Variants in MAST4 observed in about 807,000 individuals in gnomAD.
MAST4 encodes the protein microtubule-associated serine/threonine-protein kinase 4.
Under a neutral mutation model 162.7 loss-of-function variants are expected in MAST4, and 89 were observed. That is an observed-to-expected ratio of 0.55 (90% CI 0.46 to 0.65). MAST4 has a LOEUF of 0.65. Among genes scored for constraint, MAST4 ranks in the 30% least tolerant of loss-of-function variants. The pLI is 0.00. For synonymous variants in MAST4, 1,479 were observed against 1,361.1 expected (o/e 1.09, Z -1.91); for missense variants, 3,153 against 3,374.0 (o/e 0.93, Z 1.62).
chr5:66,921,715 T>G (rs1176417661), intron 4 of MAST4, among the ~76,000 whole-genome samples: 1 of 152,152 alleles, frequency 6.6e-6, no homozygotes, highest in Non-Finnish European at 1.5e-5. Context: ...TCCTAGATCA[T>G]TCCACTGCAC....
chr5:67,049,078 T>TAC lies in MAST4; in HGVS notation c.675-5323_675-5322dup, dbSNP rs1554087510. Among the ~76,000 whole-genome samples, 222 of 138,694 alleles carry TAC rather than the reference T, an allele frequency of 1.6e-3. 2 individuals are homozygous for TAC. The highest frequency in any genetic ancestry group is 5.6e-3 in the African/African-American group (199 of 35,422). 91.0% of individuals were successfully genotyped at this position (138,694 alleles called of 152,430 possible). ...ATATATACGTATATATATATATATA[T>TAC]ACACTACCATACCAAGAATGAATGG... On this transcript the variant is annotated intron_variant, in intron 4 of 28. Coordinates refer to ENST00000403625, the MANE Select transcript of MAST4 (RefSeq NM_001164664.2).
chr5:66,961,651 T>C (rs747589574), intron 4 of MAST4, among the ~76,000 whole-genome samples: 29 of 152,354 alleles, frequency 1.9e-4, no homozygotes, highest in Non-Finnish European at 4.0e-4. Context: ...TCTTTTTTCA[T>C]TGTAAGTATA....
intron 5 of MAST4, among the ~76,000 whole-genome samples, chr5:67,062,608 A>T (rs536896341): frequency 4.6e-5 from 7 of 152,336 alleles, no homozygotes; most frequent in African/African-American, 1.7e-4. Context: ...ATGATAGTAC[A>T]AGACAAATAG....
intron 3 of MAST4, among the ~76,000 whole-genome samples, chr5:66,860,335 G>T (rs1760007651): frequency 6.6e-6 from 1 of 152,116 alleles, no homozygotes; most frequent in Admixed American, 6.5e-5. Context: ...ATCCACAAGG[G>T]TATCTGCTCT....
intron 2 of MAST4, among the ~76,000 whole-genome samples, chr5:66,785,970 G>C (rs144900115): frequency 0.014 from 2,194 of 152,156 alleles, 24 homozygotes; most frequent in Middle Eastern, 0.024. Flanking sequence ...CTAGGCTCAC[G>C]AGGTCCTCCC....
At chr5:66,866,585 T>G (rs957604642) in intron 3 of MAST4, among the ~76,000 whole-genome samples, 1 of 152,258 alleles carries the variant, frequency 6.6e-6, no homozygotes, top group Non-Finnish European at 1.5e-5. Flanking sequence ...GGGATCTCTT[T>G]AATAGTGCCT....
chr5:66,599,979 A>C (rs1742452239), intron 1 of MAST4, among the ~76,000 whole-genome samples: 1 of 152,046 alleles, frequency 6.6e-6, no homozygotes, highest in Non-Finnish European at 1.5e-5. Context: ...AAAAGCAGTA[A>C]AATTCAAGCT....
chr5:66,684,402 C>A (rs1003005774), intron 1 of MAST4, among the ~76,000 whole-genome samples: 2 of 151,732 alleles, frequency 1.3e-5, no homozygotes, highest in African/African-American at 4.8e-5. Flanking sequence ...TCAAAGAGTA[C>A]TAGTTAATAA....
At chr5:67,113,759 GA>G (rs1289184298) in intron 11 of MAST4, among the ~76,000 whole-genome samples, 1 of 152,150 alleles carries the variant, frequency 6.6e-6, no homozygotes, top group African/African-American at 2.4e-5. Context: ...AACTTTGCTA[GA>G]AAGGCACAAT....
chr5:66,922,308 A>G (rs552920989), intron 4 of MAST4, among the ~76,000 whole-genome samples: 2 of 152,198 alleles, frequency 1.3e-5, no homozygotes, highest in African/African-American at 4.8e-5. Flanking sequence ...GGATGAAGCC[A>G]TTGGGTCAGG....
At chr5:66,776,677 G>A (rs1291405790) in intron 2 of MAST4, among the ~76,000 whole-genome samples, 1 of 152,186 alleles carries the variant, frequency 6.6e-6, no homozygotes, top group East Asian at 1.9e-4. Context: ...ATGAGAGACA[G>A]ATGGAAAGTC....
chr5:66,738,863 T>C (rs2149569262), intron 1 of MAST4, among the ~76,000 whole-genome samples: 1 of 152,302 alleles, frequency 6.6e-6, no homozygotes, highest in East Asian at 1.9e-4. Flanking sequence ...TTAAGTACCA[T>C]TGTTGTTTAA....
intron 4 of MAST4, among the ~76,000 whole-genome samples, chr5:66,982,727 A>G (rs769953160): frequency 2.0e-5 from 3 of 152,186 alleles, no homozygotes; most frequent in Non-Finnish European, 4.4e-5. Flanking sequence ...TCAGCACATC[A>G]GTTAATGTGC....
At chr5:67,111,723 A>G (rs1766270558) in intron 11 of MAST4, among the ~76,000 whole-genome samples, 1 of 152,200 alleles carries the variant, frequency 6.6e-6, no homozygotes, top group Non-Finnish European at 1.5e-5. Flanking sequence ...TTTCTGGACA[A>G]CAGCAGATAT....
intron 3 of MAST4, among the ~76,000 whole-genome samples, chr5:66,799,433 C>T (rs541044710): frequency 3.3e-5 from 5 of 152,320 alleles, no homozygotes; most frequent in Admixed American, 2.6e-4. Context: ...CCCAAAATGG[C>T]CTGAATGCCT....
intron 3 of MAST4, among the ~76,000 whole-genome samples, chr5:66,856,544 T>A (rs1282254508): frequency 6.6e-6 from 1 of 152,188 alleles, no homozygotes. Flanking sequence ...TTTTGAAGAG[T>A]TATTAATTGC....
intron 4 of MAST4, among the ~76,000 whole-genome samples, chr5:67,036,578 A>G (rs10060497): frequency 0.26 from 39,704 of 152,054 alleles, 5,682 homozygotes; most frequent in African/African-American, 0.36. Flanking sequence ...TAGTATTTGT[A>G]TATAACCTAC....
chr5:67,038,244 T>C lies in MAST4; in HGVS notation c.675-16160T>C, dbSNP rs1319333150. ...TTTATTTTTGCCTTTAGTTTCTCTT[T>C]TTTTTTTTTTTTAACACAGATTTTG... On this transcript the variant is annotated intron_variant, in intron 4 of 28. Coordinates refer to ENST00000403625, the MANE Select transcript of MAST4 (RefSeq NM_001164664.2). Among the ~76,000 whole-genome samples, 228 of 120,454 alleles carry C rather than the reference T, an allele frequency of 1.9e-3. 1 individual carries two copies. Among genetic ancestry groups the C allele is most frequent in the African/African-American group, 6.5e-3 (212 of 32,540 alleles). The allele number at this position is 120,454 out of a possible 152,430, so 79.0% of individuals were successfully genotyped here.
chr5:66,759,634 G>C (rs764489623), intron 1 of MAST4, 75 bp from the exon 2 acceptor site: 30 of 1,523,502 alleles, frequency 2.0e-5, no homozygotes, highest in South Asian at 4.9e-5. Flanking sequence ...GGAAGAAAAA[G>C]TGTGAATGAT....
Sources: allele counts gnomAD v4.1 joint callset (sites outside exome capture counted in the v4.1 genomes callset), GRCh38; gene constraint gnomAD v4.1.1; transcripts MANE v1.5; gene names NCBI Gene and HGNC (gene_info 2026-07-23, HGNC 2026-07-21).